NTM: variants seen among roughly 807,000 people sequenced by gnomAD.
NTM encodes IgLON family member 2.
A neutral mutation model predicts 42.1 loss-of-function variants in NTM; 13 were observed. The ratio of observed to expected loss-of-function variants is 0.31; its 90% confidence interval spans 0.20 to 0.49. The LOEUF is 0.49. NTM is among the 20% of genes least tolerant of loss of function. NTM has a pLI of 0.99. For missense variants in NTM, 373 were observed against 452.8 expected (o/e 0.82, Z 1.60); for synonymous variants, 187 against 179.2 (o/e 1.04, Z -0.35).
chr11:132,273,498 A>C (rs763462409), intron 4 of NTM, among the ~76,000 whole-genome samples: 1 of 152,122 alleles, frequency 6.6e-6, no homozygotes, highest in Non-Finnish European at 1.5e-5. Flanking sequence ...AATAGGTATC[A>C]GTTCTTCAAA....
intron 2 of NTM, among the ~76,000 whole-genome samples, chr11:132,025,630 C>T (rs1367945787): frequency 6.6e-6 from 1 of 152,140 alleles, no homozygotes; most frequent in East Asian, 1.9e-4. Flanking sequence ...CTGTGACTAC[C>T]CACTGGGATT....
chr11:131,546,705 C>T (rs1468683904), intron 1 of NTM: 2 of 152,294 alleles, frequency 1.3e-5, no homozygotes, highest in Admixed American at 1.3e-4. Context: ...ACCACATAAA[C>T]GAGGAGTGAC....
chr11:131,785,928 T>G (rs4937654), intron 1 of NTM, among the ~76,000 whole-genome samples: 49,013 of 152,014 alleles, frequency 0.32, 9,624 homozygotes, highest in East Asian at 0.57. Flanking sequence ...AACAGGTACC[T>G]GTAGTGCAGG....
intron 1 of NTM, among the ~76,000 whole-genome samples, chr11:131,487,797 G>T (rs1471429271): frequency 6.6e-6 from 1 of 152,198 alleles, no homozygotes; most frequent in Non-Finnish European, 1.5e-5. Flanking sequence ...ATGGAGGAAG[G>T]TCCGCCTGCC....
intron 2 of NTM, among the ~76,000 whole-genome samples, chr11:132,012,173 A>G (rs2135429235): frequency 6.6e-6 from 1 of 152,330 alleles, no homozygotes; most frequent in Middle Eastern, 3.4e-3. Context: ...AAGAAAGGAA[A>G]AAGAGGGAAA....
chr11:132,130,266 G>C (rs935306245), intron 2 of NTM, among the ~76,000 whole-genome samples: 3 of 152,058 alleles, frequency 2.0e-5, no homozygotes, highest in African/African-American at 7.2e-5. Context: ...GTGGGAGTTG[G>C]TTCAGCTTTG....
intron 1 of NTM, among the ~76,000 whole-genome samples, chr11:131,894,145 T>C (rs1019005290): frequency 1.3e-5 from 2 of 152,296 alleles, no homozygotes; most frequent in East Asian, 1.9e-4. Flanking sequence ...CTGGTGTTTG[T>C]TGGGAAATAC....
chr11:131,825,773 A>C (rs2042054271), intron 1 of NTM, among the ~76,000 whole-genome samples: 1 of 152,198 alleles, frequency 6.6e-6, no homozygotes, highest in Admixed American at 6.5e-5. Context: ...GGTAGGGTAC[A>C]GGATGACAAC....
intron 2 of NTM, among the ~76,000 whole-genome samples, chr11:132,110,204 C>T (rs934993311): frequency 6.6e-6 from 1 of 152,194 alleles, no homozygotes; most frequent in African/African-American, 2.4e-5. Context: ...GTGCTATACC[C>T]CAGTGGCTAG....
chr11:132,185,078 C>T (rs530180504), intron 3 of NTM, among the ~76,000 whole-genome samples: 170 of 152,236 alleles, frequency 1.1e-3, no homozygotes, highest in Admixed American at 2.6e-3. Context: ...TTGAAATTGT[C>T]GTATCTAGGC....
chr11:132,267,976 A>G (rs571519933), intron 4 of NTM, among the ~76,000 whole-genome samples: 1 of 152,310 alleles, frequency 6.6e-6, no homozygotes, highest in Admixed American at 6.5e-5. Context: ...AATGATAGTC[A>G]AACACAACCA....
intron 1 of NTM, among the ~76,000 whole-genome samples, chr11:131,439,933 C>T (rs1451735439): frequency 3.9e-5 from 5 of 128,796 alleles, no homozygotes; most frequent in African/African-American, 1.5e-4. Context: ...TCCTATTCGG[C>T]CATCTTAGGC....
intron 1 of NTM, among the ~76,000 whole-genome samples, chr11:131,438,152 C>T (rs1949305713): frequency 6.6e-6 from 1 of 152,190 alleles, no homozygotes; most frequent in Non-Finnish European, 1.5e-5. Context: ...GAGGGATCCT[C>T]TGTAGTCTGA....
chr11:131,661,311 C>T (rs563238646), intron 1 of NTM: 9 of 237,552 alleles, frequency 3.8e-5, no homozygotes, highest in African/African-American at 1.8e-4. Flanking sequence ...AGCTACATTG[C>T]TGTGAGTAGG....
At chr11:131,815,868 G>C (rs918029988) in intron 1 of NTM, among the ~76,000 whole-genome samples, 2 of 152,050 alleles carry the variant, frequency 1.3e-5, no homozygotes, top group Non-Finnish European at 2.9e-5. Flanking sequence ...GGATTCCAGC[G>C]TGTTGGCAGG....
intron 3 of NTM, among the ~76,000 whole-genome samples, chr11:132,150,652 T>C (rs932157600): frequency 3.3e-5 from 5 of 151,946 alleles, no homozygotes; most frequent in Non-Finnish European, 5.9e-5. Flanking sequence ...GCTTCAATTG[T>C]TTAAAAAGAT....
intron 1 of NTM, among the ~76,000 whole-genome samples, chr11:131,748,160 G>T (rs574982450): frequency 3.5e-4 from 54 of 152,364 alleles, no homozygotes; most frequent in African/African-American, 1.2e-3. Flanking sequence ...AACCAAGTCT[G>T]TTAAGGGTTT....
At chr11:131,375,558 G>A (rs1941852720) in intron 1 of NTM, among the ~76,000 whole-genome samples, 1 of 152,156 alleles carries the variant, frequency 6.6e-6, no homozygotes, top group Admixed American at 6.5e-5. Context: ...GGGCAGAAGG[G>A]CTTTAGAAGG....
intron 1 of NTM, among the ~76,000 whole-genome samples, chr11:131,564,170 A>G (rs1214578053): frequency 1.3e-5 from 2 of 152,198 alleles, no homozygotes; most frequent in African/African-American, 4.8e-5. Flanking sequence ...ACTCCATTTT[A>G]CTAAGGGAGG....
Sources: allele counts gnomAD v4.1 joint callset (sites outside exome capture counted in the v4.1 genomes callset), GRCh38; gene constraint gnomAD v4.1.1; transcripts MANE v1.5; gene names NCBI Gene and HGNC (gene_info 2026-07-23, HGNC 2026-07-21).